TRIT1: variants seen among roughly 807,000 people sequenced by gnomAD.
The protein encoded by TRIT1 is tRNA isopentenyltransferase 1.
In TRIT1, 43 loss-of-function variants were observed where a neutral mutation model predicts 51.2. The ratio of observed to expected loss-of-function variants is 0.84; its 90% CI spans 0.66 to 1.08. TRIT1 has a LOEUF of 1.08. Among genes scored for constraint, TRIT1 ranks in the 50% least tolerant of loss-of-function variants. The pLI is 0.00. For missense variants in TRIT1, 528 were observed against 578.4 expected, an observed-to-expected ratio of 0.91 and a Z score of 0.89; for synonymous variants, 184 against 203.9, an observed-to-expected ratio of 0.90 and a Z score of 0.83.
intron 1 of TRIT1, among the ~76,000 whole-genome samples, chr1:39,869,745 C>T (rs1643776214): frequency 1.3e-5 from 2 of 151,900 alleles, no homozygotes; most frequent in African/African-American, 4.8e-5. Flanking sequence ...AGGAGTGTCT[C>T]TGCCCGACCG....
At chr1:39,852,237 A>T (rs1209902975) in intron 4 of TRIT1, among the ~76,000 whole-genome samples, 1 of 152,180 alleles carries the variant, frequency 6.6e-6, no homozygotes, top group African/African-American at 2.4e-5. Flanking sequence ...AACCTAAAAA[A>T]ACATGACCTT....
At chr1:39,861,038 C>A (rs1272122361) in intron 1 of TRIT1, among the ~76,000 whole-genome samples, 2 of 152,188 alleles carry the variant, frequency 1.3e-5, no homozygotes, top group Non-Finnish European at 2.9e-5. Context: ...GATGGTGCCA[C>A]TGCACTCTAG....
intron 1 of TRIT1, among the ~76,000 whole-genome samples, chr1:39,876,528 G>GTATGTATCTATCTATCTATCTATC: frequency 7.8e-6 from 1 of 127,664 alleles, no homozygotes; most frequent in African/African-American, 3.5e-5. Context: ...ATTTATATGT[G>GTATGTATCTATCTATCTATCTATC]TATCTATCTA....
intron 3 of TRIT1, 121 bp downstream of exon 3, chr1:39,853,849 T>C: frequency 1.5e-6 from 1 of 669,504 alleles, no homozygotes; most frequent in Non-Finnish European, 2.5e-6. Context: ...GAATATTAAG[T>C]AGGAAAATTA....
intron 1 of TRIT1, chr1:39,876,209 T>C (rs887215272): frequency 6.6e-6 from 1 of 152,214 alleles, no homozygotes; most frequent in African/African-American, 2.4e-5. Flanking sequence ...CCCAAGTAAC[T>C]TTTACTCCTC....
At chr1:39,870,924 T>G (rs1430494345) in intron 1 of TRIT1, among the ~76,000 whole-genome samples, 1 of 152,158 alleles carries the variant, frequency 6.6e-6, no homozygotes, top group Non-Finnish European at 1.5e-5. Flanking sequence ...CCAGGCGCGG[T>G]AGCTCACGCC....
intron 2 of TRIT1, 31 bp downstream of exon 2, chr1:39,857,246 C>G: frequency 1.3e-6 from 2 of 1,575,780 alleles, no homozygotes; most frequent in Non-Finnish European, 1.7e-6. Flanking sequence ...TTTCACCCAC[C>G]AAACCCAGCT....
Position 39,838,643 on chromosome 1 carries a change from CAT to C in TRIT1, c.*3099_*3100del, listed in dbSNP as rs545111054. Among the ~76,000 whole-genome samples the C allele has an allele frequency of 2.6e-5, 4 of 151,420 alleles. No homozygotes were observed. Among genetic ancestry groups the C allele is most frequent in the Non-Finnish European group, 5.9e-5 (4 of 67,910 alleles). On this transcript the variant is annotated 3_prime_UTR_variant, in exon 11 of 11. Coordinates refer to ENST00000316891, the MANE Select transcript of TRIT1 (RefSeq NM_017646.6). Reference sequence around the variant, plus strand: ...TGACCCACCATACCCGGCATGCATACATATATATATATGTAAGTATGTATGTA... The same window carrying C: ...TGACCCACCATACCCGGCATGCATACATATATATATGTAAGTATGTATGTA...
Position 39,869,622 on chromosome 1 carries a change from G to A in TRIT1, c.175-12205C>T, listed in dbSNP as rs950024537. Among the ~76,000 whole-genome samples, 5 of 150,652 alleles carry A rather than the reference G, an allele frequency of 3.3e-5. No individual in the cohort carries two copies. The South Asian group carries it at 6.3e-4, about 19-fold the overall frequency. On this transcript the variant is annotated intron_variant, in intron 1 of 10. Transcript: ENST00000316891. ...CCGCCCAGTCTGGGAAGTGAGGAGC[G>A]CCTCTTCCCGGCCGCCATCCCATCT...
intron 1 of TRIT1, among the ~76,000 whole-genome samples, chr1:39,870,476 C>G (rs548983034): frequency 1.3e-5 from 2 of 149,896 alleles, no homozygotes; most frequent in East Asian, 3.9e-4. Flanking sequence ...GCCAAATCCC[C>G]CTCTGCGAGC....
chr1:39,879,568 C>A (rs780071891), intron 1 of TRIT1, among the ~76,000 whole-genome samples: 1 of 151,958 alleles, frequency 6.6e-6, no homozygotes, highest in African/African-American at 2.4e-5. Flanking sequence ...ACTGCTTGAA[C>A]TCAGGAGTTC....
chr1:39,838,413 G>A lies in TRIT1; in HGVS notation c.*3331C>T, dbSNP rs560417959. 2.0e-5 allele frequency among the ~76,000 whole-genome samples: 3 copies of A among 152,236 alleles called. No individual in the cohort carries two copies. In the East Asian group the frequency reaches 5.8e-4, roughly 29 times the overall value. On this transcript the variant is annotated 3_prime_UTR_variant, in exon 11 of 11. Transcript: ENST00000316891. Reference sequence around the variant, plus strand: ...GTCTAGGTGCTAGGGATATTGACAAGTCACTGCATTCATAAAAGGTTGATT... The same window carrying A: ...GTCTAGGTGCTAGGGATATTGACAAATCACTGCATTCATAAAAGGTTGATT...
rs982618123 is a variant in TRIT1 at position 39,868,471 on chromosome 1, C to A, written c.175-11054G>T. 9.9e-5 allele frequency among the ~76,000 whole-genome samples: 15 copies of A among 151,606 alleles called. 1 individual carries two copies. The highest frequency in any genetic ancestry group is 6.6e-4 in the Admixed American group (10 of 15,210). On this transcript the variant is annotated intron_variant, in intron 1 of 10. Transcript: ENST00000316891. The stretch of plus-strand genomic sequence containing the variant: ...CAGCCTGCCTAACATGGTGAAACCT[C>A]ATCTCTACTAAAAATACAAAAAATT...
chr1:39,875,584 A>G (rs920942677), intron 1 of TRIT1, among the ~76,000 whole-genome samples: 5 of 152,074 alleles, frequency 3.3e-5, no homozygotes, highest in African/African-American at 7.2e-5. Context: ...CCCAGGGTCT[A>G]TATTTTTAGT....
intron 1 of TRIT1, among the ~76,000 whole-genome samples, chr1:39,878,126 T>C (rs530573811): frequency 1.3e-4 from 19 of 151,738 alleles, no homozygotes; most frequent in African/African-American, 3.9e-4. Flanking sequence ...ATAAGAATCA[T>C]GGAAGGGCAT....
chr1:39,878,676 G>A (rs1644147213), intron 1 of TRIT1, among the ~76,000 whole-genome samples: 1 of 152,098 alleles, frequency 6.6e-6, no homozygotes. Context: ...TCACCCTTTG[G>A]TGTGTTACAA....
At chr1:39,876,065 C>T (rs1311832726) in intron 1 of TRIT1, 1 of 150,918 alleles carries the variant, frequency 6.6e-6, no homozygotes, top group South Asian at 2.1e-4. Flanking sequence ...TACTCACAAG[C>T]AGAGCCCCAA....
At chr1:39,853,427 C>T (rs929960151) in intron 3 of TRIT1, among the ~76,000 whole-genome samples, 3 of 151,042 alleles carry the variant, frequency 2.0e-5, no homozygotes, top group South Asian at 2.1e-4. Flanking sequence ...GACAGGGTCT[C>T]GCTCTGTTGC....
At chr1:39,854,848 A>AT (rs898379496) in intron 2 of TRIT1, among the ~76,000 whole-genome samples, 95 of 148,450 alleles carry the variant, frequency 6.4e-4, no homozygotes, top group Admixed American at 3.0e-3. Flanking sequence ...CCTGAGAATA[A>AT]TTTTTTTTTT....
Sources: allele counts gnomAD v4.1 joint callset (sites outside exome capture counted in the v4.1 genomes callset), GRCh38; gene constraint gnomAD v4.1.1; transcripts MANE v1.5; gene names NCBI Gene and HGNC (gene_info 2026-07-23, HGNC 2026-07-21).